IRF2BPL: variants seen among roughly 807,000 people sequenced by gnomAD.
IRF2BPL encodes the protein probable E3 ubiquitin-protein ligase IRF2BPL.
IRF2BPL carries 13 observed loss-of-function variants against 51.2 expected under a neutral mutation model. The ratio of observed to expected loss-of-function variants is 0.25; its 90% CI spans 0.17 to 0.40. IRF2BPL has a LOEUF of 0.40. Among genes scored for constraint, IRF2BPL ranks in the 10% least tolerant of loss-of-function variants. IRF2BPL has a pLI of 1.00. For missense variants in IRF2BPL, 1,210 were observed against 1,111.8 expected (o/e 1.09, Z -1.26); for synonymous variants, 768 against 509.2 (o/e 1.51, Z -6.84).
In IRF2BPL at chr14:77,026,269, G is replaced by T; in HGVS notation, c.1524C>A (p.Pro508=). ...CGCGGCTCAGACTCACCAGAGCAGT[G>T]GGCAGCATGGGACAGCTGGCGTCCA... The part of the protein sequence containing the change: ...PYLDASCPML[P]TALVSLSRAP... Residue 508 remains proline (P), a synonymous_variant, in exon 1 of 1, where the codon CCC becomes CCA. Coordinates refer to ENST00000238647, the MANE Select transcript of IRF2BPL (RefSeq NM_024496.4). 6.7e-7 allele frequency: 1 copy of T among 1,496,650 alleles called. No homozygotes were observed. Among genetic ancestry groups the T allele is most frequent in the Non-Finnish European group, 8.9e-7 (1 of 1,124,620 alleles). 92.7% of individuals were successfully genotyped at this position (1,496,650 alleles called of 1,614,324 possible). A position where few individuals can be genotyped will look rare whatever the true frequency, so the allele number is the denominator to read the frequency against.
rs1395109534 is a variant in IRF2BPL at position 77,027,188 on chromosome 14, G to A, written c.605C>T (p.Pro202Leu). ...GLGGPNGFPK[P>L]TPEEGPPELN... ...CTCTGGGGGTCCCTCCTCTGGTGTTGGTTTGGGGAAGCCGTTTGGGCCCCC... is the reference window on the plus strand; with the variant it reads ...CTCTGGGGGTCCCTCCTCTGGTGTTAGTTTGGGGAAGCCGTTTGGGCCCCC... The change falls in exon 1 of 1, where the codon CCA becomes CTA. Residue 202 changes from proline to leucine, a missense_variant. Physicochemically the swap from Pro to Leu is moderately conservative, Grantham distance 98 (BLOSUM62 -3). Transcript: ENST00000238647. The A allele has an allele frequency of 1.2e-6, 2 of 1,611,848 alleles. No homozygotes were observed. The highest frequency in any genetic ancestry group is 1.3e-5 in the African/African-American group (1 of 74,712).
rs1885055044 is a variant in IRF2BPL, at chr14:77,024,719, T to C, written c.*683A>G. The C allele has an allele frequency of 6.6e-6, 1 of 152,040 alleles. No individual in the cohort carries two copies. The highest frequency in any genetic ancestry group is 1.5e-5 in the Non-Finnish European group (1 of 67,946). 9.4% of individuals were successfully genotyped at this position (152,040 alleles called of 1,614,324 possible). A position where few individuals can be genotyped will look rare whatever the true frequency, so the allele number is the denominator to read the frequency against. The stretch of plus-strand genomic sequence containing the variant: ...GCAAAAACAAAACAACACGTGTAGA[T>C]CCAACACATTCAGGTCAGTAGAAAC... On this transcript the variant is annotated 3_prime_UTR_variant, in exon 1 of 1. Coordinates refer to ENST00000238647, the MANE Select transcript of IRF2BPL (RefSeq NM_024496.4).
rs751055828 is a variant in IRF2BPL at position 77,027,821 on chromosome 14, C to T, written c.-29G>A. On this transcript the variant is annotated 5_prime_UTR_variant, in exon 1 of 1. Transcript: ENST00000238647. ...GCCTGCCCTGGGGAAGGTAGGCCCC[C>T]GCCCGGGCTGTCTCCGCGGCGCCTT... 1.3e-6 allele frequency: 2 copies of T among 1,482,502 alleles called. No homozygotes were observed. The highest frequency in any genetic ancestry group is 1.3e-5 in the South Asian group (1 of 75,594). The allele number at this position is 1,482,502 out of a possible 1,614,324, so 91.8% of individuals were successfully genotyped here. A position where few individuals can be genotyped will look rare whatever the true frequency, so the allele number is the denominator to read the frequency against.
At position 77,027,851 on chromosome 14, in the gene IRF2BPL, T is replaced by C; in HGVS notation, c.-59A>G. 7.0e-7 allele frequency: 1 copy of C among 1,426,732 alleles called. No homozygotes were observed. Among genetic ancestry groups the C allele is most frequent in the African/African-American group, 1.5e-5 (1 of 67,914 alleles). The allele number at this position is 1,426,732 out of a possible 1,614,324, so 88.4% of individuals were successfully genotyped here. On this transcript the variant is annotated 5_prime_UTR_variant, in exon 1 of 1. Coordinates refer to ENST00000238647, the MANE Select transcript of IRF2BPL (RefSeq NM_024496.4). ...GGGCTGTCTCCGCGGCGCCTTCTCC[T>C]CCGGGAGGACTGGCCGGCTGGGGAG...
rs1885189882 is a variant in IRF2BPL, at chr14:77,027,548, G to A, written c.245C>T (p.Ala82Val). 18 of 760,746 alleles carry A rather than the reference G, an allele frequency of 2.4e-5. No individual in the cohort carries two copies. Among genetic ancestry groups the A allele is most frequent in the African/African-American group, 5.7e-5 (3 of 52,604 alleles). The allele number at this position is 760,746 out of a possible 1,614,324, so 47.1% of individuals were successfully genotyped here. ...PPPPVGVKTVALSAKEAAAAA... is the reference protein window; with the variant it reads ...PPPPVGVKTVVLSAKEAAAAA... ...CGCCGCCGCTTCCTTAGCCGACAGG[G>A]CCACTGTCTTGACCCCGACGGGCGG... Residue 82 changes from alanine (A) to valine (V), a missense_variant, in exon 1 of 1, where the codon GCC (alanine) becomes GTC (valine). Coordinates refer to ENST00000238647, the MANE Select transcript of IRF2BPL (RefSeq NM_024496.4).
rs371799520 is a variant in IRF2BPL, at chr14:77,027,067, C to A, written c.726G>T (p.Pro242=). 58 of 1,592,048 alleles carry A rather than the reference C, an allele frequency of 3.6e-5. No homozygotes were observed. Among genetic ancestry groups the A allele is most frequent in the Non-Finnish European group, 4.9e-5 (57 of 1,171,088 alleles). The change falls in exon 1 of 1, where the codon CCG becomes CCT. Residue 242 remains proline, a synonymous_variant. Coordinates refer to ENST00000238647, the MANE Select transcript of IRF2BPL (RefSeq NM_024496.4). ...HGGLVTGLPN[P]GGGGGPQLTV... is the part of the protein sequence containing the mutation. ...TGAGCTGGGGGCCTCCGCCACCCCC[C>A]GGGTTGGGCAGCCCCGTAACCAGCC...
rs767883776 is a variant in IRF2BPL at position 77,027,406 on chromosome 14, G to A, written c.387C>T (p.Asn129=). 3.2e-4 allele frequency: 467 copies of A among 1,477,762 alleles called. 1 individual carries two copies. The highest frequency in any genetic ancestry group is 2.9e-3 in the Middle Eastern group (13 of 4,446). 91.5% of individuals were successfully genotyped at this position (1,477,762 alleles called of 1,614,324 possible). A position where few individuals can be genotyped will look rare whatever the true frequency, so the allele number is the denominator to read the frequency against. ...QQQQQQQQQL[N]HVDGSSKPAV... is the part of the protein sequence containing the mutation. ...CAGGCTTGCTGGAACCATCAACGTGGTTGAGCTGTTGTTGCTGCTGCTGCT... is the reference window on the plus strand; with the variant it reads ...CAGGCTTGCTGGAACCATCAACGTGATTGAGCTGTTGTTGCTGCTGCTGCT... The change falls in exon 1 of 1, where the codon AAC becomes AAT. Residue 129 remains asparagine (N), a synonymous_variant. Transcript: ENST00000238647.
At position 77,026,813 on chromosome 14, in the gene IRF2BPL, G is replaced by A. The variant is rs1187204262; in HGVS notation, c.980C>T (p.Ala327Val). 3 of 1,612,624 alleles carry A rather than the reference G, an allele frequency of 1.9e-6. No individual in the cohort carries two copies. The highest frequency in any genetic ancestry group is 1.3e-5 in the African/African-American group (1 of 75,046). Residue 327 changes from alanine (A) to valine (V), a missense_variant, in exon 1 of 1, where the codon GCT (alanine) becomes GTT (valine). By Grantham distance (64) the Ala-to-Val change is moderately conservative. Transcript: ENST00000238647. ...CACCGAGCCGGGCCTCTTACCACCA[G>A]CACCCACGCCCACCTCTGCCACCGA... ...SSSVAEVGVG[A>V]GGKRPGSVSS...
In IRF2BPL at chr14:77,025,781, C is replaced by A. The variant is rs1885095498; in HGVS notation, c.2012G>T (p.Arg671Leu). 1 of 1,608,088 alleles carries A rather than the reference C, an allele frequency of 6.2e-7. No homozygotes were observed. The change falls in exon 1 of 1, where the codon CGC becomes CTC. Residue 671 changes from arginine (R) to leucine (L), a missense_variant. Arg to Leu is a moderately radical substitution (Grantham distance 102, BLOSUM62 -2). Coordinates refer to ENST00000238647, the MANE Select transcript of IRF2BPL (RefSeq NM_024496.4). ...VSPASVPGQR[R>L]LASRNGDLNL... is the part of the protein sequence containing the mutation. ...CAGGTCCCCGTTACGTGATGCCAAGCGGCGCTGCCCCGGCACGGAGGCCGG... is the reference window on the plus strand; with the variant it reads ...CAGGTCCCCGTTACGTGATGCCAAGAGGCGCTGCCCCGGCACGGAGGCCGG...
chr14:77,026,734 G>C lies in IRF2BPL; in HGVS notation c.1059C>G (p.Ala353=). 6.2e-7 allele frequency: 1 copy of C among 1,612,512 alleles called. No individual in the cohort carries two copies. Among genetic ancestry groups the C allele is most frequent in the Non-Finnish European group, 8.5e-7 (1 of 1,179,788 alleles). ...GCAGGCTCTCGCTCAGCTCGGCCAG[G>C]GCCTCGGCGTTGCGCTGCTTCTCCT... ...ELKEKQRNAE[A]LAELSESLRN... is the part of the protein sequence containing the mutation. The change falls in exon 1 of 1, where the codon GCC becomes GCG. Residue 353 remains alanine, a synonymous_variant. Transcript: ENST00000238647.
rs1483592574 is a variant in IRF2BPL at position 77,028,335 on chromosome 14, C to T, written c.-543G>A. ...AATCTTGCTGAAGCCGCTGCTTCCC[C>T]GGAGGACCGGGGGAGGGGGTGGCAG... is the stretch of plus-strand genomic sequence containing the variant. On this transcript the variant is annotated 5_prime_UTR_variant, in exon 1 of 1. Coordinates refer to ENST00000238647, the MANE Select transcript of IRF2BPL (RefSeq NM_024496.4). 3.9e-6 allele frequency: 1 copy of T among 257,306 alleles called. No homozygotes were observed. The highest frequency in any genetic ancestry group is 7.8e-6 in the Non-Finnish European group (1 of 128,176). The allele number at this position is 257,306 out of a possible 1,614,324, so 15.9% of individuals were successfully genotyped here.
chr14:77,024,994 A>G lies in IRF2BPL; in HGVS notation c.*408T>C, dbSNP rs1426551043. 1 of 103,830 alleles carries G rather than the reference A, an allele frequency of 9.6e-6. No individual in the cohort carries two copies. The highest frequency in any genetic ancestry group is 1.9e-5 in the Non-Finnish European group (1 of 52,894). The allele number at this position is 103,830 out of a possible 1,614,324, so 6.4% of individuals were successfully genotyped here. A position where few individuals can be genotyped will look rare whatever the true frequency, so the allele number is the denominator to read the frequency against. On this transcript the variant is annotated 3_prime_UTR_variant, in exon 1 of 1. Transcript: ENST00000238647. ...TGGCAAAAAAAAAAAAAAAAAAAAA[A>G]AAGTCTTTTTCTTTTGTGTGTGTTT...
chr14:77,026,719 G>C lies in IRF2BPL; in HGVS notation c.1074C>G (p.Ser358Arg). Reference protein sequence around the residue: ...QRNAEALAELSESLRNRAEEW... With the variant: ...QRNAEALAELRESLRNRAEEW... ...CCTCGGCGCGGTTGCGCAGGCTCTC[G>C]CTCAGCTCGGCCAGGGCCTCGGCGT... Residue 358 changes from serine to arginine, a missense_variant, in exon 1 of 1, where the codon AGC (serine) becomes AGG (arginine). Ser to Arg is a moderately radical substitution (Grantham distance 110). Coordinates refer to ENST00000238647, the MANE Select transcript of IRF2BPL (RefSeq NM_024496.4). The C allele has an allele frequency of 6.2e-7, 1 of 1,612,580 alleles. No individual in the cohort carries two copies.
rs1037169171 is a variant in IRF2BPL at position 77,028,708 on chromosome 14, C to G, written c.-916G>C. ...CTCCGGCTGCGGCTCGCGCTGTCCC[C>G]GGCTTGGCCGCGCGGGATGCCGCCC... is the stretch of plus-strand genomic sequence containing the variant. On this transcript the variant is annotated 5_prime_UTR_variant, in exon 1 of 1. Coordinates refer to ENST00000238647, the MANE Select transcript of IRF2BPL (RefSeq NM_024496.4). The G allele has an allele frequency of 9.5e-5, 32 of 337,814 alleles. No individual in the cohort carries two copies. The highest frequency in any genetic ancestry group is 2.6e-4 in the East Asian group (6 of 22,838). The allele number at this position is 337,814 out of a possible 1,614,324, so 20.9% of individuals were successfully genotyped here. A position where few individuals can be genotyped will look rare whatever the true frequency, so the allele number is the denominator to read the frequency against.
At position 77,025,545 on chromosome 14, in the gene IRF2BPL, G is replaced by T; in HGVS notation, c.2248C>A (p.Gln750Lys). 1 of 1,613,852 alleles carries T rather than the reference G, an allele frequency of 6.2e-7. No individual in the cohort carries two copies. Among genetic ancestry groups the T allele is most frequent in the Non-Finnish European group, 8.5e-7 (1 of 1,179,866 alleles). Residue 750 changes from glutamine to lysine, a missense_variant, in exon 1 of 1, where the codon CAG becomes AAG. Physicochemically the swap from Gln to Lys is moderately conservative, Grantham distance 53 (BLOSUM62 1). Coordinates refer to ENST00000238647, the MANE Select transcript of IRF2BPL (RefSeq NM_024496.4). The part of the protein sequence containing the change: ...FPCSRESIKA[Q>K]GATGEVYCPS... ...CAATACACCTCGCCGGTGGCCCCCT[G>T]GGCCTTGATACTCTCTCTAGAGCAA...
In IRF2BPL at chr14:77,025,218, T is replaced by C; in HGVS notation, c.*184A>G. 2.2e-6 allele frequency: 1 copy of C among 462,930 alleles called. No homozygotes were observed. The highest frequency in any genetic ancestry group is 3.2e-5 in the East Asian group (1 of 30,860). The allele number at this position is 462,930 out of a possible 1,614,324, so 28.7% of individuals were successfully genotyped here. ...AATGAAGAAGTTACATACCTTTGTTTCAAAATATAGAAACATACGACGAAA... is the reference window on the plus strand; with the variant it reads ...AATGAAGAAGTTACATACCTTTGTTCCAAAATATAGAAACATACGACGAAA... On this transcript the variant is annotated 3_prime_UTR_variant, in exon 1 of 1. Transcript: ENST00000238647.
chr14:77,027,812 G>A lies in IRF2BPL; in HGVS notation c.-20C>T, dbSNP rs537113727. ...CGACATGATGCCTGCCCTGGGGAAG[G>A]TAGGCCCCCGCCCGGGCTGTCTCCG... On this transcript the variant is annotated 5_prime_UTR_variant, in exon 1 of 1. Transcript: ENST00000238647. 1 of 1,511,100 alleles carries A rather than the reference G, an allele frequency of 6.6e-7. No homozygotes were observed. The highest frequency in any genetic ancestry group is 1.4e-5 in the African/African-American group (1 of 70,854). The allele number at this position is 1,511,100 out of a possible 1,614,324, so 93.6% of individuals were successfully genotyped here. A position where few individuals can be genotyped will look rare whatever the true frequency, so the allele number is the denominator to read the frequency against.
chr14:77,025,317 A>C lies in IRF2BPL; in HGVS notation c.*85T>G. ...AATTCTACACCTTGGGGGTGAGGGGAGGGAGGGTCGAGTTGGGTTGGGGGA... is the reference window on the plus strand; with the variant it reads ...AATTCTACACCTTGGGGGTGAGGGGCGGGAGGGTCGAGTTGGGTTGGGGGA... On this transcript the variant is annotated 3_prime_UTR_variant, in exon 1 of 1. Coordinates refer to ENST00000238647, the MANE Select transcript of IRF2BPL (RefSeq NM_024496.4). 2.2e-6 allele frequency: 2 copies of C among 894,782 alleles called. No individual in the cohort carries two copies. The highest frequency in any genetic ancestry group is 3.3e-6 in the Non-Finnish European group (2 of 600,024). 55.4% of individuals were successfully genotyped at this position (894,782 alleles called of 1,614,324 possible). A position where few individuals can be genotyped will look rare whatever the true frequency, so the allele number is the denominator to read the frequency against.
At position 77,026,770 on chromosome 14, in the gene IRF2BPL, C is replaced by A; in HGVS notation, c.1023G>T (p.Glu341Asp). Residue 341 changes from glutamate (E) to aspartate (D), a missense_variant, in exon 1 of 1, where the codon GAG (glutamate) becomes GAT (aspartate). Physicochemically the swap from Glu to Asp is conservative, Grantham distance 45. Coordinates refer to ENST00000238647, the MANE Select transcript of IRF2BPL (RefSeq NM_024496.4). ...RPGSVSSTDQ[E>D]RELKEKQRNA... is the part of the protein sequence containing the mutation. ...TGCGCTGCTTCTCCTTCAACTCGCG[C>A]TCCTGGTCTGTGCTCGACACCGAGC... is the stretch of plus-strand genomic sequence containing the variant. 1 of 1,612,666 alleles carries A rather than the reference C, an allele frequency of 6.2e-7. No individual in the cohort carries two copies. The highest frequency in any genetic ancestry group is 8.5e-7 in the Non-Finnish European group (1 of 1,179,836).
Sources: allele counts gnomAD v4.1 joint callset, GRCh38; gene constraint gnomAD v4.1.1; transcripts MANE v1.5; gene names NCBI Gene and HGNC (gene_info 2026-07-23, HGNC 2026-07-21).